Variants in BAZ1A observed in about 807,000 individuals in gnomAD.
BAZ1A encodes the protein bromodomain adjacent to zinc finger domain protein 1A.
In BAZ1A, 50 loss-of-function variants were observed where a neutral mutation model predicts 185.2. That is an observed-to-expected ratio of 0.27 (90% confidence interval 0.22 to 0.34). The LOEUF (loss-of-function observed/expected upper bound fraction) is 0.34. Ranked by LOEUF, BAZ1A falls within the 10% of genes least tolerant of loss-of-function variation. The probability of loss-of-function intolerance (pLI) is 1.00; values close to 1 mark genes in which losing one functional copy is unlikely to be tolerated. For synonymous variants in BAZ1A, 571 were observed against 615.6 expected (o/e 0.93, Z 1.07); for missense variants, 1,356 against 1,839.9 (o/e 0.74, Z 4.81).
intron 6 of BAZ1A, among the ~76,000 whole-genome samples, chr14:34,805,892 T>C (rs1881830572): frequency 1.3e-5 from 2 of 152,038 alleles, no homozygotes; most frequent in African/African-American, 4.8e-5. Context: ...ACTTTTTTTT[T>C]TTTTTTCCCT....
intron 19 of BAZ1A, 107 bp from the exon 20 acceptor site, chr14:34,773,833 T>C: frequency 8.6e-7 from 1 of 1,160,408 alleles, no homozygotes; most frequent in African/African-American, 1.6e-5. Flanking sequence ...ATTTTAGAAA[T>C]GATTATGAAT....
At chr14:34,825,260 C>A (rs533536188) in intron 4 of BAZ1A, among the ~76,000 whole-genome samples, 118 of 152,056 alleles carry the variant, frequency 7.8e-4, no homozygotes, top group African/African-American at 2.7e-3. Flanking sequence ...TCGAGACCAG[C>A]GTGACCAACA....
In BAZ1A at chr14:34,803,771, G is replaced by C. The variant is rs148166145; in HGVS notation, c.727-783C>G. ...TTATTTAGATTTTCCTCCCAGGGTA[G>C]AGTAATAACTTAACTACTTAATATA... On this transcript the variant is annotated intron_variant, in intron 6 of 26. Coordinates refer to ENST00000360310, the MANE Select transcript of BAZ1A (RefSeq NM_013448.3). 7.7e-4 allele frequency among the ~76,000 whole-genome samples: 117 copies of C among 152,270 alleles called. 1 individual carries two copies. Among genetic ancestry groups the C allele is most frequent in the African/African-American group, 2.5e-3 (105 of 41,548 alleles).
chr14:34,804,011 G>A (rs1171347214), intron 6 of BAZ1A, among the ~76,000 whole-genome samples: 1 of 151,740 alleles, frequency 6.6e-6, no homozygotes, highest in Non-Finnish European at 1.5e-5. Flanking sequence ...TTTTATTTAC[G>A]TATTTATTTA....
chr14:34,754,254 C>CAAA (rs59411665), intron 26 of BAZ1A, among the ~76,000 whole-genome samples: 19 of 97,308 alleles, frequency 2.0e-4, no homozygotes, highest in Non-Finnish European at 2.7e-4. Flanking sequence ...TCCATCATCT[C>CAAA]AAAAAAAAAA....
In BAZ1A at chr14:34,862,115, A is replaced by G; in HGVS notation, c.321T>C (p.Asp107=). ...ATCGATCCTTGACATATGCAAAGAT[A>G]TCATCACAAATTTCATGTAAGCGCG... The part of the protein sequence containing the change: ...HRSRLHEICD[D]IFAYVKDRYF... The change falls in exon 3 of 27, where the codon GAT becomes GAC. Residue 107 remains aspartate, a synonymous_variant. Transcript: ENST00000360310. 6.2e-7 allele frequency: 1 copy of G among 1,614,230 alleles called. No individual in the cohort carries two copies. Among genetic ancestry groups the G allele is most frequent in the South Asian group, 1.1e-5 (1 of 91,088 alleles).
At chr14:34,850,700 G>A (rs2042583197) in intron 3 of BAZ1A, among the ~76,000 whole-genome samples, 2 of 152,178 alleles carry the variant, frequency 1.3e-5, no homozygotes, top group South Asian at 2.1e-4. Context: ...TCTCCAAGTA[G>A]TCAAAATTTT....
At chr14:34,772,480 C>T (rs1879289873) in intron 20 of BAZ1A, among the ~76,000 whole-genome samples, 2 of 152,142 alleles carry the variant, frequency 1.3e-5, no homozygotes, top group Non-Finnish European at 2.9e-5. Flanking sequence ...AAATATAATG[C>T]TAGCCTCATG....
chr14:34,816,969 C>A (rs1276144459), intron 4 of BAZ1A: 2 of 247,096 alleles, frequency 8.1e-6, no homozygotes, highest in Non-Finnish European at 1.7e-5. Flanking sequence ...CAATAGCGGA[C>A]AATATAACAT....
intron 2 of BAZ1A, among the ~76,000 whole-genome samples, chr14:34,865,764 A>T (rs2042848035): frequency 6.6e-6 from 1 of 152,228 alleles, no homozygotes; most frequent in Non-Finnish European, 1.5e-5. Flanking sequence ...ACAAAGTAAA[A>T]AGCAGTTATC....
chr14:34,793,479 A>C (rs529745747), intron 11 of BAZ1A, among the ~76,000 whole-genome samples: 1 of 152,350 alleles, frequency 6.6e-6, no homozygotes, highest in East Asian at 1.9e-4. Flanking sequence ...AAGAATTTGA[A>C]AGCCCTCCTA....
intron 9 of BAZ1A, among the ~76,000 whole-genome samples, chr14:34,796,881 CAAATAAGG>C (rs1370407733): frequency 2.0e-5 from 3 of 152,162 alleles, no homozygotes; most frequent in Non-Finnish European, 4.4e-5. Context: ...CTTATAGGAT[CAAATAAGG>C]TTAACATTCT....
chr14:34,855,299 A>G (rs898893956), intron 3 of BAZ1A, among the ~76,000 whole-genome samples: 1 of 152,156 alleles, frequency 6.6e-6, no homozygotes, highest in Admixed American at 6.5e-5. Flanking sequence ...AAACTGTTCA[A>G]ACCGTGTTCA....
chr14:34,759,341 C>T (rs531776383), intron 24 of BAZ1A, among the ~76,000 whole-genome samples: 35 of 151,848 alleles, frequency 2.3e-4, no homozygotes, highest in African/African-American at 6.3e-4. Context: ...CCACGGCGCC[C>T]GGCTAATTTT....
chr14:34,783,228 G>A lies in BAZ1A; in HGVS notation c.2002C>T (p.Arg668Cys). ...TTAAGTTTTTCTTCCTTCCTTTTACGAATTCTAAAAGTTAAAATGAAATAT... is the reference window on the plus strand; with the variant it reads ...TTAAGTTTTTCTTCCTTCCTTTTACAAATTCTAAAAGTTAAAATGAAATAT... ...KEREEAAARI[R>C]KRKEEKLKEQ... The change falls in exon 16 of 27, where the codon CGT (arginine) becomes TGT (cysteine). Residue 668 changes from arginine to cysteine, a missense_variant. Around this residue, in one of 7 missense-constraint regions of BAZ1A, gnomAD observed 434 missense variants for 561.7 expected, o/e 0.77. Transcript: ENST00000360310. The A allele has an allele frequency of 1.3e-6, 2 of 1,570,418 alleles. No homozygotes were observed. The highest frequency in any genetic ancestry group is 1.7e-6 in the Non-Finnish European group (2 of 1,146,658).
chr14:34,839,839 C>CAAAAAAA lies in BAZ1A; in HGVS notation c.393-13690_393-13684dup, dbSNP rs60954768. Among the ~76,000 whole-genome samples the CAAAAAAA allele has an allele frequency of 6.0e-3, 642 of 106,298 alleles. 9 individuals are homozygous for CAAAAAAA. Among genetic ancestry groups the CAAAAAAA allele is most frequent in the Middle Eastern group, 0.017 (3 of 172 alleles). 69.7% of individuals were successfully genotyped at this position (106,298 alleles called of 152,430 possible). ...TGGGCGACAAAGCGAGCCTCTGTTT[C>CAAAAAAA]AAAAAAAAAAAAAAAAAAGGAAAAA... On this transcript the variant is annotated intron_variant, in intron 3 of 26. Transcript: ENST00000360310.
At chr14:34,823,670 A>AC (rs1566581159) in intron 4 of BAZ1A, among the ~76,000 whole-genome samples, 1 of 152,148 alleles carries the variant, frequency 6.6e-6, no homozygotes, top group Non-Finnish European at 1.5e-5. Flanking sequence ...TCAAAAAAAA[A>AC]ATTTTTCAGA....
chr14:34,870,499 T>G (rs1221042475), intron 2 of BAZ1A, among the ~76,000 whole-genome samples: 1 of 152,188 alleles, frequency 6.6e-6, no homozygotes. Flanking sequence ...TCTTCCCTAC[T>G]ATAAATTGAT....
chr14:34,780,669 G>C (rs1879978768), intron 16 of BAZ1A, among the ~76,000 whole-genome samples: 2 of 152,196 alleles, frequency 1.3e-5, no homozygotes, highest in Admixed American at 1.3e-4. Context: ...CAGAGCTCAA[G>C]AGAAATGGGA....
Sources: allele counts gnomAD v4.1 joint callset (sites outside exome capture counted in the v4.1 genomes callset), GRCh38; gene constraint gnomAD v4.1.1; regional missense constraint gnomAD v4.1.1; transcripts MANE v1.5; gene names NCBI Gene and HGNC (gene_info 2026-07-23, HGNC 2026-07-21).